Variants in MAPK8IP3 observed in about 807,000 individuals in gnomAD.
The protein encoded by MAPK8IP3 is C-Jun-amino-terminal kinase-interacting protein 3.
MAPK8IP3 carries 49 observed loss-of-function variants against 157.8 expected under a neutral mutation model. The observed-to-expected ratio is 0.31, with a 90% CI of 0.25 to 0.39. The LOEUF (loss-of-function observed/expected upper bound fraction) is 0.39. Ranked by LOEUF, MAPK8IP3 falls within the 10% of genes least tolerant of loss-of-function variation. MAPK8IP3 has a pLI of 1.00. For synonymous variants in MAPK8IP3, 897 were observed against 777.7 expected (o/e 1.15, Z -2.55); for missense variants, 1,478 against 1,889.4 (o/e 0.78, Z 4.04).
intron 23 of MAPK8IP3, 31 bp from the exon 24 acceptor site, chr16:1,766,692 G>A (rs1487783195): frequency 6.2e-7 from 1 of 1,612,582 alleles, no homozygotes; most frequent in Admixed American, 1.7e-5. Context: ...TCCTGGGTGA[G>A]CCCCTCGCCC....
Position 1,768,235 on chromosome 16 carries a change from G to T in MAPK8IP3, c.3599G>T (p.Arg1200Leu). 2 of 1,612,458 alleles carry T rather than the reference G, an allele frequency of 1.2e-6. No homozygotes were observed. Among genetic ancestry groups the T allele is most frequent in the Non-Finnish European group, 1.7e-6 (2 of 1,179,970 alleles). ...KTSPTSGEGA[R>L]PGGIIHVYGD... ...TCCCCCACCTCTGGGGAGGGCGCCC[G>T]TCCCGGGGGCATCATCCACGTGTAT... Residue 1200 changes from arginine (R) to leucine (L), a missense_variant, in exon 30 of 32, where the codon CGT (arginine) becomes CTT (leucine). Arg to Leu is a moderately radical substitution (Grantham distance 102, BLOSUM62 -2). Coordinates refer to ENST00000610761, the MANE Select transcript of MAPK8IP3 (RefSeq NM_001318852.2).
Position 1,739,600 on chromosome 16 carries a change from G to A in MAPK8IP3, c.603-3732G>A, listed in dbSNP as rs375796380. Among the ~76,000 whole-genome samples the A allele has an allele frequency of 4.1e-3, 551 of 134,244 alleles. 9 individuals carry two copies. Among genetic ancestry groups the A allele is most frequent in the African/African-American group, 0.014 (495 of 34,368 alleles). 88.1% of individuals were successfully genotyped at this position (134,244 alleles called of 152,430 possible). ...TGTGACCGTCCGTGTGTGACCGTCC[G>A]TGTGAGCTTCCGTGTGACCGTCCGT... is the stretch of plus-strand genomic sequence containing the variant. On this transcript the variant is annotated intron_variant, in intron 4 of 31. Coordinates refer to ENST00000610761, the MANE Select transcript of MAPK8IP3 (RefSeq NM_001318852.2).
chr16:1,723,459 ACTT>A (rs2038669900), intron 1 of MAPK8IP3, among the ~76,000 whole-genome samples: 1 of 151,836 alleles, frequency 6.6e-6, no homozygotes, highest in Non-Finnish European at 1.5e-5. Flanking sequence ...CTCTACAAAA[ACTT>A]CTTTAAAATT....
chr16:1,743,847 A>T lies in MAPK8IP3; in HGVS notation c.747+371A>T, dbSNP rs1037251573. 6.3e-6 allele frequency: 7 copies of T among 1,114,484 alleles called. No individual in the cohort carries two copies. In the African/African-American group the frequency reaches 1.0e-4, roughly 16 times the overall value. 69.0% of individuals were successfully genotyped at this position (1,114,484 alleles called of 1,614,324 possible). A position where few individuals can be genotyped will look rare whatever the true frequency, so the allele number is the denominator to read the frequency against. On this transcript the variant is annotated intron_variant, in intron 5 of 31. Coordinates refer to ENST00000610761, the MANE Select transcript of MAPK8IP3 (RefSeq NM_001318852.2). This position sits in a 1 kb window ranked among gnomAD's most constrained non-coding sequence, Gnocchi z 5.6. The stretch of plus-strand genomic sequence containing the variant: ...CCTCATGCTCACCCGGGCTCCAGCC[A>T]GACACATCCTGCCCCTGAGAGCCAC...
At chr16:1,762,574 G>A in intron 14 of MAPK8IP3, 93 bp downstream of exon 14, 6 of 1,570,766 alleles carry the variant, frequency 3.8e-6, no homozygotes, top group Non-Finnish European at 5.2e-6. Flanking sequence ...TCTTCTGGGG[G>A]GACTGAAGTG....
intron 4 of MAPK8IP3, among the ~76,000 whole-genome samples, chr16:1,740,631 T>C (rs1318925324): frequency 6.6e-5 from 10 of 152,216 alleles, no homozygotes; most frequent in Admixed American, 6.5e-4. Flanking sequence ...CTAACGCCTG[T>C]CTCCTTGTCT....
rs770770251 is a variant in MAPK8IP3, at chr16:1,748,582, C to CT, written c.1098-20_1098-19insT. The CT allele has an allele frequency of 1.3e-6, 2 of 1,594,834 alleles. No individual in the cohort carries two copies. Among genetic ancestry groups the CT allele is most frequent in the African/African-American group, 2.7e-5 (2 of 74,562 alleles). ...TGCCCACTGACTCTGCTCTCTCTCC[C>CT]GACCTGTGGATCCCAACAGCCCAAC... On this transcript the variant is annotated intron_variant, in intron 7 of 31. Coordinates refer to ENST00000610761, the MANE Select transcript of MAPK8IP3 (RefSeq NM_001318852.2).
intron 1 of MAPK8IP3, among the ~76,000 whole-genome samples, chr16:1,722,106 G>C (rs1013591742): frequency 1.8e-4 from 28 of 152,172 alleles, no homozygotes; most frequent in African/African-American, 6.8e-4. Flanking sequence ...TCGATTAATA[G>C]CATGTGTGTG....
chr16:1,748,295 C>T lies in MAPK8IP3; in HGVS notation c.1046C>T (p.Thr349Met). The T allele has an allele frequency of 5.6e-6, 9 of 1,614,016 alleles. No individual in the cohort carries two copies. The East Asian group carries it at 6.7e-5, about 12-fold the overall frequency. ...GATGTTCAAGACATTATTGACTCCA[C>T]GCCAGAGCTGGACATGTGTCCAGAG... ...WSDVQDIIDS[T>M]PELDMCPETR... The change falls in exon 7 of 32, where the codon ACG becomes ATG. Residue 349 changes from threonine to methionine, a missense_variant. Physicochemically the swap from Thr to Met is moderately conservative, Grantham distance 81. Coordinates refer to ENST00000610761, the MANE Select transcript of MAPK8IP3 (RefSeq NM_001318852.2).
intron 4 of MAPK8IP3, among the ~76,000 whole-genome samples, chr16:1,733,699 G>C (rs985120113): frequency 6.6e-6 from 1 of 152,220 alleles, no homozygotes; most frequent in Admixed American, 6.5e-5. Flanking sequence ...CCTCGTCCTT[G>C]TCAGGGCCCC....
chr16:1,768,948 A>C lies in MAPK8IP3; in HGVS notation c.*124A>C, dbSNP rs951075096. On this transcript the variant is annotated 3_prime_UTR_variant, in exon 32 of 32. Coordinates refer to ENST00000610761, the MANE Select transcript of MAPK8IP3 (RefSeq NM_001318852.2). ...TCTAACCTCTCAACCTGCAGCTTTCACCTGAGTCTGGCCCCTCCAGCGGGC... is the reference window on the plus strand; with the variant it reads ...TCTAACCTCTCAACCTGCAGCTTTCCCCTGAGTCTGGCCCCTCCAGCGGGC... The C allele has an allele frequency of 1.7e-6, 2 of 1,157,556 alleles. No individual in the cohort carries two copies. The highest frequency in any genetic ancestry group is 2.4e-6 in the Non-Finnish European group (2 of 820,818). 71.7% of individuals were successfully genotyped at this position (1,157,556 alleles called of 1,614,324 possible).
intron 5 of MAPK8IP3, chr16:1,746,606 G>A (rs953487083): frequency 9.9e-6 from 2 of 202,120 alleles, no homozygotes; most frequent in African/African-American, 2.3e-5. Context: ...ACGGGGCAGC[G>A]GTGGCGGCAC....
At chr16:1,709,387 G>A (rs2142261306) in intron 1 of MAPK8IP3, among the ~76,000 whole-genome samples, 1 of 152,338 alleles carries the variant, frequency 6.6e-6, no homozygotes. Context: ...CCCTCGCTGG[G>A]CTGCAGTGGC....
At chr16:1,765,431 C>T (rs1271454099) in intron 20 of MAPK8IP3, among the ~76,000 whole-genome samples, 2 of 152,160 alleles carry the variant, frequency 1.3e-5, no homozygotes, top group African/African-American at 4.8e-5. Context: ...TAGAGGGTGA[C>T]GGGTGGGCAC....
At chr16:1,720,765 C>T (rs1296961934) in intron 1 of MAPK8IP3, among the ~76,000 whole-genome samples, 2 of 152,132 alleles carry the variant, frequency 1.3e-5, no homozygotes, top group Non-Finnish European at 1.5e-5. Flanking sequence ...CCGGGTGCAG[C>T]GGCTCACGCC....
At position 1,768,596 on chromosome 16, in the gene MAPK8IP3, G is replaced by A. The variant is rs1277301900; in HGVS notation, c.3862G>A (p.Gly1288Ser). ...GCTGCGGAACGTGCTGGTGCTGAGC[G>A]GCGGGGAGGGCTACATCGACTTCCG... ...QKLRNVLVLS[G>S]GEGYIDFRIG... is the part of the protein sequence containing the mutation. The change falls in exon 31 of 32, where the codon GGC becomes AGC. Residue 1288 changes from glycine (G) to serine (S), a missense_variant. Around this residue, in one of 11 missense-constraint regions of MAPK8IP3, gnomAD observed 133 missense variants for 133.4 expected, o/e 1.00. Transcript: ENST00000610761. 4 of 1,587,118 alleles carry A rather than the reference G, an allele frequency of 2.5e-6. No individual in the cohort carries two copies. The highest frequency in any genetic ancestry group is 1.8e-5 in the Admixed American group (1 of 56,044).
In MAPK8IP3 at chr16:1,758,267, C is replaced by T. The variant is rs539261276; in HGVS notation, c.1228+108C>T. On this transcript the variant is annotated intron_variant, in intron 9 of 31. Coordinates refer to ENST00000610761, the MANE Select transcript of MAPK8IP3 (RefSeq NM_001318852.2). ...CACCGTGGCTGTGTGGACTGCCCCCCACGTCGCCGCAGCGCCTCTGCTTCT... is the reference window on the plus strand; with the variant it reads ...CACCGTGGCTGTGTGGACTGCCCCCTACGTCGCCGCAGCGCCTCTGCTTCT... 52 of 1,293,614 alleles carry T rather than the reference C, an allele frequency of 4.0e-5. No individual in the cohort carries two copies. The East Asian group carries it at 1.2e-3, about 29-fold the overall frequency. 80.1% of individuals were successfully genotyped at this position (1,293,614 alleles called of 1,614,324 possible). A position where few individuals can be genotyped will look rare whatever the true frequency, so the allele number is the denominator to read the frequency against.
In MAPK8IP3 at chr16:1,747,184, G is replaced by A; in HGVS notation, c.903G>A (p.Val301=). The part of the protein sequence containing the change: ...ESLQPLGDYG[V]GSKNSKRARE... ...TGCAGCCCCTGGGGGACTATGGCGT[G>A]GGCTCCAAGAACAGCAAGCGTGCCC... The change falls in exon 6 of 32, where the codon GTG becomes GTA. Residue 301 remains valine (V), a synonymous_variant. Coordinates refer to ENST00000610761, the MANE Select transcript of MAPK8IP3 (RefSeq NM_001318852.2). 1 of 1,613,948 alleles carries A rather than the reference G, an allele frequency of 6.2e-7. No individual in the cohort carries two copies. Among genetic ancestry groups the A allele is most frequent in the Non-Finnish European group, 8.5e-7 (1 of 1,180,024 alleles).
In MAPK8IP3 at chr16:1,765,957, C is replaced by T. The variant is rs774291488; in HGVS notation, c.2447-3C>T. The T allele has an allele frequency of 3.7e-6, 6 of 1,608,828 alleles. No individual in the cohort carries two copies. Among genetic ancestry groups the T allele is most frequent in the South Asian group, 2.2e-5 (2 of 90,538 alleles). On this transcript the variant is annotated splice_region_variant and splice_polypyrimidine_tract_variant and intron_variant, in intron 20 of 31. Coordinates refer to ENST00000610761, the MANE Select transcript of MAPK8IP3 (RefSeq NM_001318852.2). ...CAGGCTGACGGGCCGTCCCTCTCCC[C>T]AGCGGCCAGCGACAGCGACTACCCT...
Sources: gnomAD v4.1 joint callset for allele counts (sites outside exome capture counted in the v4.1 genomes callset) on GRCh38, gnomAD v4.1.1 for gene constraint, gnomAD v4.1.1 regional missense constraint, Gnocchi (gnomAD v3.1) non-coding constraint, MANE v1.5 for transcripts, NCBI Gene and HGNC (gene_info 2026-07-23, HGNC 2026-07-21) for gene names.